KIF21B: variants seen among roughly 807,000 people sequenced by gnomAD.
KIF21B encodes kinesin family member 21B.
Under a neutral mutation model 192.9 loss-of-function variants are expected in KIF21B, and 85 were observed. The ratio of observed to expected loss-of-function variants is 0.44; its 90% CI spans 0.37 to 0.53. The LOEUF is 0.53. Among genes scored for constraint, KIF21B ranks in the 20% least tolerant of loss-of-function variants. KIF21B has a pLI of 0.00. For missense variants in KIF21B, 1,716 were observed against 2,194.8 expected, an observed-to-expected ratio of 0.78 and a Z score of 4.36; for synonymous variants, 832 against 884.6, an observed-to-expected ratio of 0.94 and a Z score of 1.05.
chr1:201,008,137 T>C (rs988405358), intron 3 of KIF21B, among the ~76,000 whole-genome samples: 1 of 152,096 alleles, frequency 6.6e-6, no homozygotes, highest in African/African-American at 2.4e-5. Flanking sequence ...CCTTACTGAG[T>C]GGGGGCTCAG....
chr1:201,007,702 A>T (rs1157510177), intron 3 of KIF21B, among the ~76,000 whole-genome samples: 1 of 151,288 alleles, frequency 6.6e-6, no homozygotes, highest in African/African-American at 2.4e-5. Context: ...ACACAGACAG[A>T]TGCGCACACA....
chr1:200,990,467 G>A lies in KIF21B; in HGVS notation c.2835+109C>T. 1 of 1,489,570 alleles carries A rather than the reference G, an allele frequency of 6.7e-7. No individual in the cohort carries two copies. 92.3% of individuals were successfully genotyped at this position (1,489,570 alleles called of 1,614,324 possible). Reference sequence around the variant, plus strand: ...CCTCTGGATTCCAGAGCAGGCAAAAGGAGCAGAGGGAAGTGGGGCAGGGAA... The same window carrying A: ...CCTCTGGATTCCAGAGCAGGCAAAAAGAGCAGAGGGAAGTGGGGCAGGGAA... On this transcript the variant is annotated intron_variant, in intron 19 of 34. Coordinates refer to ENST00000461742, the MANE Select transcript of KIF21B (RefSeq NM_001252102.2). This position sits in a 1 kb window ranked among gnomAD's most constrained non-coding sequence, Gnocchi z 5.4.
At chr1:201,019,804 T>C (rs1658718225) in intron 1 of KIF21B, among the ~76,000 whole-genome samples, 1 of 152,152 alleles carries the variant, frequency 6.6e-6, no homozygotes, top group African/African-American at 2.4e-5. Flanking sequence ...TTGATTGGCA[T>C]TGACTGGCTT....
chr1:200,995,030 T>C (rs981127366), intron 15 of KIF21B, among the ~76,000 whole-genome samples: 1 of 152,138 alleles, frequency 6.6e-6, no homozygotes, highest in African/African-American at 2.4e-5. Flanking sequence ...TCCACTCTAG[T>C]CAGGTTGATG....
chr1:200,979,451 G>A, intron 30 of KIF21B, 84 bp downstream of exon 30: 1 of 1,108,564 alleles, frequency 9.0e-7, no homozygotes, highest in Non-Finnish European at 1.3e-6. Context: ...GTGCTGTGCT[G>A]AGTGGGTCAC....
intron 1 of KIF21B, among the ~76,000 whole-genome samples, chr1:201,020,047 C>T (rs558387209): frequency 2.0e-5 from 3 of 152,246 alleles, no homozygotes; most frequent in South Asian, 2.1e-4. Flanking sequence ...CCCCAAACCC[C>T]TACCTATCCC....
At chr1:200,980,040 G>A (rs1013361962) in intron 29 of KIF21B, among the ~76,000 whole-genome samples, 4 of 152,186 alleles carry the variant, frequency 2.6e-5, no homozygotes, top group African/African-American at 4.8e-5. Flanking sequence ...CTTTTATGGT[G>A]CCTGTTCCTC....
At position 201,005,570 on chromosome 1, in the gene KIF21B, G is replaced by A. The variant is rs778836144; in HGVS notation, c.572C>T (p.Ser191Phe). ...CTCCTCCTGGGAGTGGATGAGGCGA[G>A]AAGTGACGCCAGTGGTGTAGATGCC... ...NGGIYTTGVT[S>F]RLIHSQEELI... The change falls in exon 4 of 35, where the codon TCT becomes TTT. Residue 191 changes from serine (S) to phenylalanine (F), a missense_variant. Transcript: ENST00000461742. 2 of 1,613,986 alleles carry A rather than the reference G, an allele frequency of 1.2e-6. No homozygotes were observed. The highest frequency in any genetic ancestry group is 1.3e-5 in the African/African-American group (1 of 74,954).
In KIF21B at chr1:201,009,726, G is replaced by A. The variant is rs528675795; in HGVS notation, c.42-238C>T. ...TGAGCATTCAGTATATATCAGATCT[G>A]TGTTCAGAGTACTTTCCTTAAATTA... On this transcript the variant is annotated intron_variant, in intron 1 of 34. Transcript: ENST00000461742. Among the ~76,000 whole-genome samples the A allele has an allele frequency of 3.3e-5, 5 of 152,372 alleles. No individual in the cohort carries two copies. The South Asian group carries it at 1.0e-3, about 32-fold the overall frequency.
chr1:200,989,662 C>A (rs749396693), intron 21 of KIF21B, among the ~76,000 whole-genome samples: 1 of 152,238 alleles, frequency 6.6e-6, no homozygotes, highest in Non-Finnish European at 1.5e-5. Flanking sequence ...GGCCAGACAC[C>A]CAGAGTCAAC....
intron 3 of KIF21B, among the ~76,000 whole-genome samples, chr1:201,008,079 A>G (rs1658017840): frequency 6.6e-6 from 1 of 152,200 alleles, no homozygotes; most frequent in African/African-American, 2.4e-5. Flanking sequence ...CTTCCCTCAG[A>G]AGGCAACCTG....
rs1658096387 is a variant in KIF21B at position 201,009,254 on chromosome 1, A to C, written c.264+12T>G. ...GCTGGAGCCGCCATAGGTGGGCGTG[A>C]AGATGGCTTACCTGCCCATAGGCCA... On this transcript the variant is annotated intron_variant, in intron 2 of 34. Transcript: ENST00000461742. 2.5e-6 allele frequency: 4 copies of C among 1,612,256 alleles called. No homozygotes were observed. In the African/African-American group the frequency reaches 5.3e-5, roughly 22 times the overall value.
chr1:201,017,406 C>A lies in KIF21B; in HGVS notation c.41+5937G>T, dbSNP rs61464909. 0.037 allele frequency among the ~76,000 whole-genome samples: 5,650 copies of A among 152,250 alleles called. 225 individuals carry two copies. Among genetic ancestry groups the A allele is most frequent in the East Asian group, 0.12 (596 of 5,172 alleles). ...CTCTGGGGCCTGGGAAGAGGGTAAACCCAGCCCAGGGAAGTACTGCTCAGC... is the reference window on the plus strand; with the variant it reads ...CTCTGGGGCCTGGGAAGAGGGTAAAACCAGCCCAGGGAAGTACTGCTCAGC... On this transcript the variant is annotated intron_variant, in intron 1 of 34. Transcript: ENST00000461742. The surrounding 1 kb of genome is among the most constrained non-coding windows in gnomAD (Gnocchi z 4.1).
chr1:201,016,615 T>C (rs1658520660), intron 1 of KIF21B, among the ~76,000 whole-genome samples: 1 of 152,150 alleles, frequency 6.6e-6, no homozygotes, highest in South Asian at 2.1e-4. Context: ...AGACCAGTCT[T>C]CTATAAAACA....
chr1:200,992,089 A>G (rs1656737342), intron 16 of KIF21B, among the ~76,000 whole-genome samples, 193 bp downstream of exon 16: 2 of 152,182 alleles, frequency 1.3e-5, no homozygotes, highest in Admixed American at 6.5e-5. Flanking sequence ...TCCTCTTAAC[A>G]TGTGGGGGCT....
intron 29 of KIF21B, among the ~76,000 whole-genome samples, chr1:200,980,237 T>C (rs1415791193): frequency 6.6e-6 from 1 of 152,206 alleles, no homozygotes; most frequent in Non-Finnish European, 1.5e-5. Flanking sequence ...AATGAATGAA[T>C]GAAAGAGTAA....
At chr1:201,022,292 G>C (rs2102490786) in intron 1 of KIF21B, among the ~76,000 whole-genome samples, 1 of 152,290 alleles carries the variant, frequency 6.6e-6, no homozygotes, top group Admixed American at 6.5e-5. Flanking sequence ...AGACCTGAGA[G>C]ACCTACCCTA....
At chr1:201,008,122 A>C (rs1035620752) in intron 3 of KIF21B, among the ~76,000 whole-genome samples, 23 of 152,170 alleles carry the variant, frequency 1.5e-4, no homozygotes, top group African/African-American at 5.1e-4. Flanking sequence ...TTATGGGATA[A>C]GTGCCCTTAC....
At chr1:200,988,408 C>T in intron 23 of KIF21B, 55 bp from the exon 24 acceptor site, 1 of 1,611,936 alleles carries the variant, frequency 6.2e-7, no homozygotes, top group Non-Finnish European at 8.5e-7. Flanking sequence ...AATTCAGGCT[C>T]AGCCCTGGGA....
Sources: allele counts gnomAD v4.1 joint callset (sites outside exome capture counted in the v4.1 genomes callset), GRCh38; gene constraint gnomAD v4.1.1; non-coding constraint Gnocchi (gnomAD v3.1); transcripts MANE v1.5; gene names NCBI Gene and HGNC (gene_info 2026-07-23, HGNC 2026-07-21).